The following PGAP4 variants were observed in gnomAD, a reference collection of about 807,000 sequenced individuals.
PGAP4 encodes post-GPI attachment to proteins GalNAc transferase 4.
In PGAP4, 12 loss-of-function variants were observed where a neutral mutation model predicts 28.2. That is an observed-to-expected ratio of 0.42 (90% CI 0.27 to 0.69). The LOEUF (loss-of-function observed/expected upper bound fraction) is 0.69. Among genes scored for constraint, PGAP4 ranks in the 30% least tolerant of loss-of-function variants. PGAP4 has a pLI of 0.22. For missense variants in PGAP4, 425 were observed against 513.5 expected (o/e 0.83, Z 1.67); for synonymous variants, 205 against 211.8 (o/e 0.97, Z 0.28).
rs970100623 is a variant in PGAP4, at chr9:101,496,741, A to G, written c.-164-7541T>C. 3.3e-5 allele frequency among the ~76,000 whole-genome samples: 5 copies of G among 151,048 alleles called. No individual in the cohort carries two copies. The Admixed American group carries it at 3.3e-4, about 10-fold the overall frequency. ...TTTTAGTTTAGGACACAAATTTACC[A>G]TACAAAATTTTTTTAATACAAAGTT... is the stretch of plus-strand genomic sequence containing the variant. On this transcript the variant is annotated intron_variant, in intron 2 of 3. Transcript: ENST00000374851.
At position 101,475,923 on chromosome 9, in the gene PGAP4, G is replaced by A. The variant is rs773255339; in HGVS notation, c.1170C>T (p.Leu390=). The part of the protein sequence containing the change: ...VEPNLVKHIG[L]FSSLRYNFHP... ...GAAAGTTGTACCGGAGACTGGAGAA[G>A]AGCCCGATGTGTTTCACGAGGTTCG... Residue 390 remains leucine, a synonymous_variant, in exon 2 of 2, where the codon CTC becomes CTT. Coordinates refer to ENST00000374848, the MANE Select transcript of PGAP4 (RefSeq NM_032342.3). The A allele has an allele frequency of 3.0e-5, 48 of 1,614,096 alleles. No homozygotes were observed. The highest frequency in any genetic ancestry group is 3.8e-5 in the Non-Finnish European group (45 of 1,180,052).
Position 101,508,126 on chromosome 9 carries a change from G to GTT in PGAP4, c.-164-18928_-164-18927dup, listed in dbSNP as rs199835888. ...TTCCTTTTCAAAATCCTTTTTGAGTGTTTTTTTTTTTTTTTTTTGGATGGA... is the reference window on the plus strand; with the variant it reads ...TTCCTTTTCAAAATCCTTTTTGAGTGTTTTTTTTTTTTTTTTTTTTGGATGGA... On this transcript the variant is annotated intron_variant, in intron 2 of 3. Coordinates refer to the PGAP4 transcript ENST00000374851. Among the ~76,000 whole-genome samples, 17 of 127,720 alleles carry GTT rather than the reference G, an allele frequency of 1.3e-4. No individual in the cohort carries two copies. The South Asian group carries it at 1.5e-3, about 11-fold the overall frequency. 83.8% of individuals were successfully genotyped at this position (127,720 alleles called of 152,430 possible).
chr9:101,499,002 A>G (rs1174190282), intron 2 of PGAP4, among the ~76,000 whole-genome samples: 2 of 152,012 alleles, frequency 1.3e-5, no homozygotes, highest in African/African-American at 4.8e-5. Context: ...ATCAAATGAA[A>G]TACTAAACTA....
chr9:101,479,055 G>C (rs1826406660), intron 1 of PGAP4, among the ~76,000 whole-genome samples: 1 of 152,178 alleles, frequency 6.6e-6, no homozygotes, highest in Non-Finnish European at 1.5e-5. Flanking sequence ...CTAGTACTAA[G>C]AGATCTGGAT....
intron 2 of PGAP4, among the ~76,000 whole-genome samples, chr9:101,507,551 G>T (rs984626325): frequency 6.6e-6 from 1 of 152,080 alleles, no homozygotes; most frequent in African/African-American, 2.4e-5. Flanking sequence ...TAAAAGCTCA[G>T]TTCTTGAACC....
intron 2 of PGAP4, among the ~76,000 whole-genome samples, chr9:101,514,100 C>G (rs1207709015): frequency 6.6e-6 from 1 of 151,804 alleles, no homozygotes; most frequent in East Asian, 1.9e-4. Context: ...TCCACTGATT[C>G]TTATGCCAGT....
chr9:101,505,576 A>G (rs1207278163), intron 2 of PGAP4, among the ~76,000 whole-genome samples: 1 of 152,116 alleles, frequency 6.6e-6, no homozygotes, highest in African/African-American at 2.4e-5. Flanking sequence ...ATAAAAAAAA[A>G]TGGTTATATA....
chr9:101,481,503 T>C (rs192748801), intron 1 of PGAP4: 2 of 152,386 alleles, frequency 1.3e-5, no homozygotes, highest in East Asian at 1.9e-4. Context: ...CCAGTTCTTA[T>C]CTATGCTTTG....
intron 2 of PGAP4, among the ~76,000 whole-genome samples, chr9:101,522,212 A>G (rs1424154413): frequency 6.6e-6 from 1 of 152,146 alleles, no homozygotes; most frequent in African/African-American, 2.4e-5. Context: ...AATGTTCTGT[A>G]TATATCTTTT....
intron 2 of PGAP4, among the ~76,000 whole-genome samples, chr9:101,523,619 C>CTTTTTTTTATTTTT (rs1827007196): frequency 1.7e-5 from 1 of 59,344 alleles, no homozygotes; most frequent in Non-Finnish European, 3.1e-5. Context: ...CTTCTTGTAT[C>CTTTTTTTTATTTTT]TTTTTTTTTT....
chr9:101,476,358 C>T lies in PGAP4; in HGVS notation c.735G>A (p.Leu245=), dbSNP rs1826308662. Reference sequence around the variant, plus strand: ...AGTGCTGGAGCCTCTCGGGGTGATACAGCTTGAGATAAAGGGCATCTCTGA... The same window carrying T: ...AGTGCTGGAGCCTCTCGGGGTGATATAGCTTGAGATAAAGGGCATCTCTGA... The part of the protein sequence containing the change: ...PHLRDALYLK[L]YHPERLQHYI... The change falls in exon 2 of 2, where the codon CTG becomes CTA. Residue 245 remains leucine (L), a synonymous_variant. Coordinates refer to ENST00000374848, the MANE Select transcript of PGAP4 (RefSeq NM_032342.3). This position sits in a 1 kb window ranked among gnomAD's most constrained non-coding sequence, Gnocchi z 7.0. 2 of 1,613,928 alleles carry T rather than the reference C, an allele frequency of 1.2e-6. No homozygotes were observed. The highest frequency in any genetic ancestry group is 1.7e-5 in the Admixed American group (1 of 59,978).
chr9:101,509,028 C>A (rs956499609), intron 2 of PGAP4, among the ~76,000 whole-genome samples: 1 of 152,190 alleles, frequency 6.6e-6, no homozygotes, highest in Non-Finnish European at 1.5e-5. Flanking sequence ...TCTTAAACAT[C>A]CTTTTAAGGC....
chr9:101,483,119 C>T (rs1292889725), intron 1 of PGAP4, among the ~76,000 whole-genome samples: 2 of 152,094 alleles, frequency 1.3e-5, no homozygotes, highest in Non-Finnish European at 2.9e-5. Context: ...CTCTTGAATC[C>T]TTTTTTAGTA....
chr9:101,519,040 T>C (rs1826963558), intron 2 of PGAP4, among the ~76,000 whole-genome samples: 1 of 152,244 alleles, frequency 6.6e-6, no homozygotes, highest in South Asian at 2.1e-4. Context: ...CATTGTGGTT[T>C]TGATTTGCAT....
intron 2 of PGAP4, among the ~76,000 whole-genome samples, chr9:101,525,129 A>G (rs1247916121): frequency 2.0e-5 from 3 of 152,234 alleles, no homozygotes; most frequent in African/African-American, 7.2e-5. Flanking sequence ...GTAGATTCCC[A>G]GTAATGGGAT....
At position 101,473,458 on chromosome 9, in the gene PGAP4, G is replaced by A. The variant is rs965357588; in HGVS notation, c.*2423C>T. 7 of 152,328 alleles carry A rather than the reference G, an allele frequency of 4.6e-5. No individual in the cohort carries two copies. Among genetic ancestry groups the A allele is most frequent in the Non-Finnish European group, 7.3e-5 (5 of 68,038 alleles). The allele number at this position is 152,328 out of a possible 1,614,324, so 9.4% of individuals were successfully genotyped here. A position where few individuals can be genotyped will look rare whatever the true frequency, so the allele number is the denominator to read the frequency against. ...AAAATTAGACTCCTTATAAGAATAA[G>A]GGATTAAATGGAGGAAGATCTAGAA... is the stretch of plus-strand genomic sequence containing the variant. On this transcript the variant is annotated 3_prime_UTR_variant, in exon 2 of 2. Transcript: ENST00000374848.
intron 2 of PGAP4, among the ~76,000 whole-genome samples, chr9:101,493,931 T>A (rs1826713845): frequency 6.6e-6 from 1 of 152,092 alleles, no homozygotes; most frequent in Non-Finnish European, 1.5e-5. Flanking sequence ...TAACAAGATC[T>A]TGAAAACAAT....
chr9:101,519,065 G>A (rs1165334336), intron 2 of PGAP4, among the ~76,000 whole-genome samples: 2 of 152,142 alleles, frequency 1.3e-5, no homozygotes, highest in Non-Finnish European at 2.9e-5. Flanking sequence ...CTGATCATTA[G>A]TGATGTGAAC....
intron 2 of PGAP4, among the ~76,000 whole-genome samples, chr9:101,524,251 T>G (rs936234315): frequency 1.3e-5 from 2 of 150,710 alleles, no homozygotes; most frequent in South Asian, 2.1e-4. Context: ...GGTTGTCAGG[T>G]AAGTGGCGGT....
Sources: gnomAD v4.1 joint callset for allele counts (sites outside exome capture counted in the v4.1 genomes callset) on GRCh38, gnomAD v4.1.1 for gene constraint, Gnocchi (gnomAD v3.1) non-coding constraint, MANE v1.5 for transcripts, NCBI Gene and HGNC (gene_info 2026-07-23, HGNC 2026-07-21) for gene names.